NHS: variants seen among roughly 807,000 people sequenced by gnomAD.
NHS encodes actin remodeling regulator NHS.
Under a neutral mutation model 72.5 loss-of-function variants are expected in NHS, and 5 were observed. The ratio of observed to expected loss-of-function variants is 0.07; its 90% CI spans 0.04 to 0.14. The LOEUF is 0.14. NHS is among the 10% of genes least tolerant of loss of function. NHS has a pLI of 1.00. For missense variants in NHS, 1,072 were observed against 1,355.7 expected, an observed-to-expected ratio of 0.79 and a Z score of 3.29; for synonymous variants, 464 against 547.7, an observed-to-expected ratio of 0.85 and a Z score of 2.13.
intron 1 of NHS, among the ~76,000 whole-genome samples, chrX:17,493,031 C>T (rs2064998430): frequency 8.9e-6 from 1 of 111,937 alleles, no homozygotes; most frequent in Admixed American, 9.5e-5. Flanking sequence ...TAGTTGAATT[C>T]TGTTTTTTGT....
intron 1 of NHS, among the ~76,000 whole-genome samples, chrX:17,539,371 G>T (rs1175385942): frequency 9.1e-6 from 1 of 109,531 alleles, no homozygotes; most frequent in African/African-American, 3.3e-5. Flanking sequence ...CATATAATTG[G>T]TTTATTTAAC....
chrX:17,509,986 T>C (rs1392461404), intron 1 of NHS, among the ~76,000 whole-genome samples: 2 of 112,452 alleles, frequency 1.8e-5, no homozygotes, highest in African/African-American at 6.5e-5. Context: ...ACTAACATTT[T>C]TTAATCAGTT....
At chrX:17,530,485 C>CAAA (rs1162290693) in intron 1 of NHS, among the ~76,000 whole-genome samples, 1 of 111,347 alleles carries the variant, frequency 9.0e-6, no homozygotes, top group Non-Finnish European at 1.9e-5. Context: ...CCTTGCTACT[C>CAAA]AAAGTGTGGT....
intron 1 of NHS, among the ~76,000 whole-genome samples, chrX:17,561,737 G>A (rs1012057792): frequency 9.4e-6 from 1 of 106,835 alleles, no homozygotes; most frequent in Non-Finnish European, 1.9e-5. Flanking sequence ...AGGTTCATGG[G>A]TGAAGTTTTA....
At chrX:17,626,926 TCTTA>T (rs758025971) in intron 1 of NHS, among the ~76,000 whole-genome samples, 15 of 112,349 alleles carry the variant, frequency 1.3e-4, no homozygotes, top group Admixed American at 2.8e-4. Flanking sequence ...AATGGGGATC[TCTTA>T]CTTATTACTC....
intron 1 of NHS, among the ~76,000 whole-genome samples, chrX:17,587,914 T>C (rs761231206): frequency 1.8e-5 from 2 of 112,611 alleles, no homozygotes; most frequent in African/African-American, 3.2e-5. Context: ...GCTAATGATC[T>C]TGTGAAAGAC....
At chrX:17,475,156 A>G (rs1484941733) in intron 1 of NHS, among the ~76,000 whole-genome samples, 1 of 112,143 alleles carries the variant, frequency 8.9e-6, no homozygotes, top group Non-Finnish European at 1.9e-5. Context: ...GCAAAGAGCC[A>G]TTTTACTTTC....
chrX:17,569,236 G>A (rs1477290536), intron 1 of NHS, among the ~76,000 whole-genome samples: 14 of 111,594 alleles, frequency 1.3e-4, no homozygotes, highest in Non-Finnish European at 2.3e-4. Flanking sequence ...TTGAGGAATC[G>A]CCACACTGTC....
chrX:17,687,860 C>T lies in NHS; in HGVS notation c.684C>T (p.Arg228=), dbSNP rs751527423. ...CACCCTGCGTGGAGGAGCTGCACCG[C>T]CACGCCCGGCAGAGCCTGCAAGCCC... ...TRPPCVEELH[R]HARQSLQALR... The change falls in exon 2 of 9, where the codon CGC becomes CGT. Residue 228 remains arginine (R), a synonymous_variant. Transcript: ENST00000676302. The T allele has an allele frequency of 1.6e-5, 19 of 1,212,022 alleles. No homozygotes were observed. Among genetic ancestry groups the T allele is most frequent in the South Asian group, 3.5e-5 (2 of 57,008 alleles).
At chrX:17,544,222 G>A (rs2065278801) in intron 1 of NHS, among the ~76,000 whole-genome samples, 1 of 112,272 alleles carries the variant, frequency 8.9e-6, no homozygotes, top group Non-Finnish European at 1.9e-5. Flanking sequence ...ATGGAGACAC[G>A]AAGAAGTGAA....
chrX:17,542,448 G>A (rs972860694), intron 1 of NHS, among the ~76,000 whole-genome samples: 3 of 113,341 alleles, frequency 2.6e-5, no homozygotes, highest in African/African-American at 9.6e-5. Flanking sequence ...CCATGGTTGT[G>A]CCAACCAGTT....
rs751650405 is a variant in NHS, at chrX:17,719,360, C to T, written c.869C>T (p.Ser290Leu). 20 of 1,164,640 alleles carry T rather than the reference C, an allele frequency of 1.7e-5. No individual in the cohort carries two copies. The highest frequency in any genetic ancestry group is 3.8e-5 in the South Asian group (2 of 52,467). The change falls in exon 4 of 9, where the codon TCG becomes TTG. Residue 290 changes from serine (S) to leucine (L), a missense_variant. Ser to Leu is a moderately radical substitution (Grantham distance 145). Coordinates refer to ENST00000676302, the MANE Select transcript of NHS (RefSeq NM_001291867.2). Reference sequence around the variant, plus strand: ...TGTTCATAGTTTAACAGCACCCGTTCGCCCTCCCCCACTGAATGTTGCCAC... The same window carrying T: ...TGTTCATAGTTTAACAGCACCCGTTTGCCCTCCCCCACTGAATGTTGCCAC... Reference protein sequence around the residue: ...RHFLTFNSTRSPSPTECCHMT... With the variant: ...RHFLTFNSTRLPSPTECCHMT...
At chrX:17,392,453 A>G (rs2064449722) in intron 1 of NHS, among the ~76,000 whole-genome samples, 1 of 112,312 alleles carries the variant, frequency 8.9e-6, no homozygotes, top group Non-Finnish European at 1.9e-5. Context: ...TGACAAAGTT[A>G]CTCCAAAGTA....
At chrX:17,466,457 G>C (rs1463484343) in intron 1 of NHS, among the ~76,000 whole-genome samples, 1 of 112,579 alleles carries the variant, frequency 8.9e-6, no homozygotes, top group Admixed American at 9.4e-5. Context: ...AAATGGAAAG[G>C]CTAGGTCTAT....
intron 1 of NHS, among the ~76,000 whole-genome samples, chrX:17,568,118 G>A (rs1490283798): frequency 1.8e-5 from 2 of 111,650 alleles, no homozygotes; most frequent in Non-Finnish European, 3.8e-5. Context: ...GGCTACAAAC[G>A]TCAAAGAGAA....
rs966683565 is a variant in NHS at position 17,696,202 on chromosome X, G to A, written c.852+3734G>A. On this transcript the variant is annotated intron_variant, in intron 3 of 8. Transcript: ENST00000676302. ...AGGAACCAAATGTAAAAAGTTTGTA[G>A]TAAAAATGTTCCCAAGGGCAATATG... 6.3e-5 allele frequency among the ~76,000 whole-genome samples: 7 copies of A among 111,985 alleles called. No individual in the cohort carries two copies. In the Admixed American group the frequency reaches 6.6e-4, roughly 11 times the overall value.
Position 17,375,778 on chromosome X carries a change from C to A in NHS, c.21C>A (p.Ile7=). Residue 7 remains isoleucine (I), a synonymous_variant, in exon 1 of 9, where the codon ATC becomes ATA. Coordinates refer to ENST00000676302, the MANE Select transcript of NHS (RefSeq NM_001291867.2). MPFAKR[I]VEPQWLCRQR... is the part of the protein sequence containing the mutation. ...GCGGGATGCCTTTCGCCAAGCGGAT[C>A]GTGGAGCCGCAATGGCTGTGCAGGC... 1 of 1,153,325 alleles carries A rather than the reference C, an allele frequency of 8.7e-7. No homozygotes were observed.
In NHS at chrX:17,477,601, A is replaced by C. The variant is rs749074985; in HGVS notation, c.565+101279A>C. Among the ~76,000 whole-genome samples the C allele has an allele frequency of 3.6e-5, 4 of 112,480 alleles. No homozygotes were observed. The East Asian group carries it at 1.1e-3, about 32-fold the overall frequency. On this transcript the variant is annotated intron_variant, in intron 1 of 8. Transcript: ENST00000676302. ...TACTGTGTTGGGAACATACTGAGGC[A>C]GGGCAGGGGTGGATGGAAGCAGGGA...
chrX:17,464,560 G>A (rs1291192517), intron 1 of NHS, among the ~76,000 whole-genome samples: 1 of 112,373 alleles, frequency 8.9e-6, no homozygotes, highest in Non-Finnish European at 1.9e-5. Flanking sequence ...GTGATGGAAA[G>A]GACTCCCATT....
Sources: allele counts gnomAD v4.1 joint callset (sites outside exome capture counted in the v4.1 genomes callset), GRCh38; gene constraint gnomAD v4.1.1; transcripts MANE v1.5; gene names NCBI Gene and HGNC (gene_info 2026-07-23, HGNC 2026-07-21).